PKP1: variants seen among roughly 807,000 people sequenced by gnomAD.
PKP1 encodes plakophilin-1.
PKP1 carries 27 observed loss-of-function variants against 76.4 expected under a neutral mutation model. That is an observed-to-expected ratio of 0.35 (90% CI 0.26 to 0.49). The LOEUF (loss-of-function observed/expected upper bound fraction) is 0.49, where lower values mean the gene tolerates loss of function less well. PKP1 is among the 20% of genes least tolerant of loss of function. The probability of loss-of-function intolerance (pLI) is 0.99; values close to 1 mark genes in which losing one functional copy is unlikely to be tolerated. For missense variants in PKP1, 964 were observed against 955.2 expected (o/e 1.01, Z -0.12); for synonymous variants, 404 against 384.2 (o/e 1.05, Z -0.60).
rs2102193842 is a variant in PKP1, at chr1:201,332,654, T to C, written c.*2613T>C. On this transcript the variant is annotated 3_prime_UTR_variant, in exon 14 of 14. Coordinates refer to ENST00000367324, the MANE Select transcript of PKP1 (RefSeq NM_001005337.3). ...AGCGGCCAATGACAAATCCAGTCATTGGCCACCAGCCACCTCTGCAGTGGG... is the reference window on the plus strand; with the variant it reads ...AGCGGCCAATGACAAATCCAGTCATCGGCCACCAGCCACCTCTGCAGTGGG... 6.6e-6 allele frequency: 1 copy of C among 152,276 alleles called. No homozygotes were observed. Among genetic ancestry groups the C allele is most frequent in the East Asian group, 1.9e-4 (1 of 5,182 alleles). The allele number at this position is 152,276 out of a possible 1,614,324, so 9.4% of individuals were successfully genotyped here.
At chr1:201,321,008 A>G (rs919186873) in intron 7 of PKP1, among the ~76,000 whole-genome samples, 1 of 152,212 alleles carries the variant, frequency 6.6e-6, no homozygotes, top group African/African-American at 2.4e-5. Context: ...GCAGATAAAC[A>G]GAAGGCTGAG....
intron 11 of PKP1, 89 bp downstream of exon 11, chr1:201,325,216 G>A: frequency 7.4e-7 from 1 of 1,345,420 alleles, no homozygotes; most frequent in East Asian, 2.3e-5. Flanking sequence ...AGCTCTCCAT[G>A]GAGTAGGGGA....
intron 8 of PKP1, 108 bp from the exon 9 acceptor site, chr1:201,322,905 C>T: frequency 8.3e-7 from 1 of 1,203,842 alleles, no homozygotes; most frequent in Non-Finnish European, 1.2e-6. Context: ...TCAGCTTGCC[C>T]TATCTGGAAC....
At chr1:201,285,220 CCACACA>C (rs140683611) in intron 1 of PKP1, among the ~76,000 whole-genome samples, 6,642 of 136,588 alleles carry the variant, frequency 0.049, 228 homozygotes, top group African/African-American at 0.097. Context: ...GGCCCTTCCA[CCACACA>C]CACACACACA....
chr1:201,325,886 A>T, intron 12 of PKP1, 48 bp downstream of exon 12: 1 of 1,430,126 alleles, frequency 7.0e-7, no homozygotes, highest in Non-Finnish European at 9.9e-7. Context: ...CCTGCTCATG[A>T]GCAGAGGGCC....
At chr1:201,299,923 C>G (rs3819796) in intron 2 of PKP1, among the ~76,000 whole-genome samples, 1 of 152,116 alleles carries the variant, frequency 6.6e-6, no homozygotes, top group Admixed American at 6.5e-5. Flanking sequence ...CCGGGCCTCT[C>G]GTCTTTTCTT....
intron 13 of PKP1, among the ~76,000 whole-genome samples, chr1:201,329,490 G>A (rs933794711): frequency 6.6e-5 from 10 of 152,310 alleles, no homozygotes; most frequent in Admixed American, 4.6e-4. Flanking sequence ...TTAAACAAGC[G>A]TCTAAAGTGT....
chr1:201,310,406 A>G (rs1188538459), intron 2 of PKP1, among the ~76,000 whole-genome samples: 1 of 152,236 alleles, frequency 6.6e-6, no homozygotes, highest in African/African-American at 2.4e-5. Context: ...GGCTGGCTCC[A>G]GAGTCTGTGT....
chr1:201,304,935 C>T (rs2102165094), intron 2 of PKP1, among the ~76,000 whole-genome samples: 1 of 152,328 alleles, frequency 6.6e-6, no homozygotes. Flanking sequence ...CCTCATTGGC[C>T]AGCTGGGAGA....
intron 2 of PKP1, among the ~76,000 whole-genome samples, chr1:201,304,962 A>T (rs1656332690): frequency 6.6e-6 from 1 of 152,240 alleles, no homozygotes; most frequent in Non-Finnish European, 1.5e-5. Context: ...CAAGGTGATG[A>T]ACGGGGAAGC....
intron 8 of PKP1, among the ~76,000 whole-genome samples, chr1:201,322,617 C>A (rs754413050): frequency 6.6e-6 from 1 of 152,172 alleles, no homozygotes; most frequent in South Asian, 2.1e-4. Flanking sequence ...TCAGACCACC[C>A]TCTTTGGCCC....
chr1:201,325,246 G>A, intron 11 of PKP1, 119 bp downstream of exon 11: 5 of 1,044,802 alleles, frequency 4.8e-6, no homozygotes, highest in Non-Finnish European at 7.3e-6. Flanking sequence ...GGCAGGGGGA[G>A]CCAGGGACGG....
At position 201,332,637 on chromosome 1, in the gene PKP1, A is replaced by G. The variant is rs1018774104; in HGVS notation, c.*2596A>G. ...CTGGGATCTCCTGTGCTAGCGGCCA[A>G]TGACAAATCCAGTCATTGGCCACCA... On this transcript the variant is annotated 3_prime_UTR_variant, in exon 14 of 14. Coordinates refer to ENST00000367324, the MANE Select transcript of PKP1 (RefSeq NM_001005337.3). The G allele has an allele frequency of 2.0e-5, 3 of 151,350 alleles. No individual in the cohort carries two copies. The highest frequency in any genetic ancestry group is 7.3e-5 in the African/African-American group (3 of 40,882). 9.4% of individuals were successfully genotyped at this position (151,350 alleles called of 1,614,324 possible). A position where few individuals can be genotyped will look rare whatever the true frequency, so the allele number is the denominator to read the frequency against.
intron 1 of PKP1, among the ~76,000 whole-genome samples, chr1:201,286,131 G>A (rs1351423102): frequency 1.3e-5 from 2 of 152,122 alleles, no homozygotes; most frequent in African/African-American, 2.4e-5. Context: ...TACTCACTCT[G>A]CTCCCTCTTT....
chr1:201,306,736 G>A (rs774236063), intron 2 of PKP1, among the ~76,000 whole-genome samples: 12 of 151,974 alleles, frequency 7.9e-5, no homozygotes, highest in Admixed American at 1.3e-4. Context: ...GTGCAGTGGC[G>A]CAATCTCAGC....
intron 7 of PKP1, among the ~76,000 whole-genome samples, chr1:201,320,824 G>A (rs1312110379): frequency 6.6e-6 from 1 of 152,168 alleles, no homozygotes; most frequent in Non-Finnish European, 1.5e-5. Flanking sequence ...CCACAGCCCA[G>A]AGGAATCCAT....
intron 1 of PKP1, among the ~76,000 whole-genome samples, chr1:201,285,094 CTT>C (rs1655688001): frequency 6.6e-6 from 1 of 152,104 alleles, no homozygotes; most frequent in South Asian, 2.1e-4. Flanking sequence ...GCTAATAAGA[CTT>C]TACCCATTAC....
intron 2 of PKP1, among the ~76,000 whole-genome samples, chr1:201,297,328 A>G (rs1179737621): frequency 6.6e-6 from 1 of 152,106 alleles, no homozygotes; most frequent in East Asian, 1.9e-4. Context: ...CTGCTGGAGG[A>G]CAATGTTGGA....
intron 2 of PKP1, among the ~76,000 whole-genome samples, chr1:201,298,274 AG>A (rs1382881972): frequency 2.6e-5 from 4 of 152,212 alleles, no homozygotes; most frequent in Non-Finnish European, 5.9e-5. Context: ...AGCCATGGAA[AG>A]GCACAGCCCT....
Sources: allele counts gnomAD v4.1 joint callset (sites outside exome capture counted in the v4.1 genomes callset), GRCh38; gene constraint gnomAD v4.1.1; transcripts MANE v1.5; gene names NCBI Gene and HGNC (gene_info 2026-07-23, HGNC 2026-07-21).